Variants in CSTF3 observed in about 807,000 individuals in gnomAD.
The protein encoded by CSTF3 is cleavage stimulation factor subunit 3, also known as CF-1 77 kDa subunit.
Under a neutral mutation model 105.8 loss-of-function variants are expected in CSTF3, and 29 were observed. The ratio of observed to expected loss-of-function variants is 0.27; its 90% confidence interval spans 0.20 to 0.37. CSTF3 has a LOEUF of 0.37. Ranked by LOEUF, CSTF3 falls within the 10% of genes least tolerant of loss-of-function variation. The pLI, the probability that CSTF3 is intolerant of heterozygous loss-of-function variation, is 1.00. For missense variants in CSTF3, 357 were observed against 879.3 expected (o/e 0.41, Z 7.51); for synonymous variants, 252 against 281.9 (o/e 0.89, Z 1.06).
At chr11:33,146,038 A>G (rs1590285841) in intron 1 of CSTF3, among the ~76,000 whole-genome samples, 1 of 152,030 alleles carries the variant, frequency 6.6e-6, no homozygotes, top group Admixed American at 6.5e-5. Flanking sequence ...GGAGTTCGAG[A>G]CCAGCCCAAC....
intron 3 of CSTF3, among the ~76,000 whole-genome samples, chr11:33,130,564 T>G (rs925030638): frequency 4.6e-5 from 7 of 152,198 alleles, no homozygotes; most frequent in African/African-American, 1.4e-4. Context: ...TTGAAAAGTA[T>G]GAAAACAACT....
At chr11:33,140,834 CAGTT>C (rs376398547) in intron 3 of CSTF3, 13 of 151,914 alleles carry the variant, frequency 8.6e-5, no homozygotes, top group African/African-American at 2.9e-4. Context: ...ATGTGGATAT[CAGTT>C]ATTTACATCT....
chr11:33,154,020 C>T (rs1022056748), intron 1 of CSTF3, among the ~76,000 whole-genome samples: 9 of 152,236 alleles, frequency 5.9e-5, no homozygotes, highest in Admixed American at 4.6e-4. Flanking sequence ...CAGGAAAAAT[C>T]AGTAAAATAC....
chr11:33,161,386 A>G lies in CSTF3; in HGVS notation c.-61T>C. The G allele has an allele frequency of 1.9e-6, 3 of 1,589,438 alleles. No homozygotes were observed. The highest frequency in any genetic ancestry group is 2.2e-5 in the East Asian group (1 of 44,718). On this transcript the variant is annotated 5_prime_UTR_variant, in exon 1 of 21. Coordinates refer to ENST00000323959, the MANE Select transcript of CSTF3 (RefSeq NM_001326.3). ...GATGGGAAGCTAGAAAAGAAAAATT[A>G]AACTAAAAACCACCCCCAAATCAGT...
intron 1 of CSTF3, among the ~76,000 whole-genome samples, chr11:33,158,194 A>G (rs1214159535): frequency 6.6e-6 from 1 of 152,190 alleles, no homozygotes; most frequent in Admixed American, 6.5e-5. Context: ...GTATTATTAA[A>G]AAGTTAAAGA....
intron 1 of CSTF3, among the ~76,000 whole-genome samples, chr11:33,156,410 G>C (rs545977363): frequency 5.9e-5 from 9 of 152,160 alleles, no homozygotes; most frequent in African/African-American, 1.7e-4. Flanking sequence ...AAATAAACCA[G>C]GTTTCAGGTT....
chr11:33,109,251 C>T (rs570557206), intron 3 of CSTF3, among the ~76,000 whole-genome samples: 1 of 152,298 alleles, frequency 6.6e-6, no homozygotes, highest in East Asian at 1.9e-4. Context: ...CTGTGTTAAT[C>T]AGCAAATCTG....
At chr11:33,133,899 C>A (rs1031831596) in intron 3 of CSTF3, among the ~76,000 whole-genome samples, 1 of 152,110 alleles carries the variant, frequency 6.6e-6, no homozygotes, top group South Asian at 2.1e-4. Context: ...GATAATGAAT[C>A]CGAAGAAATT....
rs373047658 is a variant in CSTF3, at chr11:33,127,741, C to T, written c.225+13926G>A. The stretch of plus-strand genomic sequence containing the variant: ...TTGGAAACTACTGTTCTTGTGCTTT[C>T]GCTTTTCTCAATTTTAACCAGTCTT... On this transcript the variant is annotated intron_variant, in intron 3 of 20. Coordinates refer to ENST00000323959, the MANE Select transcript of CSTF3 (RefSeq NM_001326.3). Among the ~76,000 whole-genome samples, 11 of 152,290 alleles carry T rather than the reference C, an allele frequency of 7.2e-5. No individual in the cohort carries two copies. The South Asian group carries it at 8.3e-4, about 11-fold the overall frequency.
intron 3 of CSTF3, among the ~76,000 whole-genome samples, chr11:33,127,777 A>C (rs1298139029): frequency 6.6e-6 from 1 of 152,184 alleles, no homozygotes; most frequent in Non-Finnish European, 1.5e-5. Context: ...TGGGTATTCC[A>C]AAAGTATCCA....
At chr11:33,155,250 G>C (rs1057288832) in intron 1 of CSTF3, among the ~76,000 whole-genome samples, 1 of 151,932 alleles carries the variant, frequency 6.6e-6, no homozygotes, top group African/African-American at 2.4e-5. Flanking sequence ...TATAGTCCCC[G>C]CTACTAGGGA....
At chr11:33,106,145 C>T (rs969376969) in intron 5 of CSTF3, 81 bp from the exon 6 acceptor site, 13 of 1,069,512 alleles carry the variant, frequency 1.2e-5, no homozygotes, top group Admixed American at 5.6e-5. Context: ...CATGGTGGCT[C>T]ATGCCTGTAA....
intron 3 of CSTF3, among the ~76,000 whole-genome samples, chr11:33,122,275 A>G (rs1013768215): frequency 2.0e-5 from 3 of 152,196 alleles, no homozygotes; most frequent in Admixed American, 1.3e-4. Context: ...AACTCACTTC[A>G]AAAGGATCTG....
At chr11:33,114,512 C>CA (rs1263404877) in intron 3 of CSTF3, among the ~76,000 whole-genome samples, 3 of 152,032 alleles carry the variant, frequency 2.0e-5, no homozygotes, top group African/African-American at 7.2e-5. Flanking sequence ...TTTTTAAAAT[C>CA]ACCAGTTATA....
At chr11:33,124,724 A>G (rs952503166) in intron 3 of CSTF3, among the ~76,000 whole-genome samples, 2 of 152,182 alleles carry the variant, frequency 1.3e-5, no homozygotes, top group African/African-American at 4.8e-5. Context: ...AGTTATACCT[A>G]CAATTGGACA....
chr11:33,149,425 A>G (rs1351913763), intron 1 of CSTF3, among the ~76,000 whole-genome samples: 1 of 152,242 alleles, frequency 6.6e-6, no homozygotes, highest in Non-Finnish European at 1.5e-5. Context: ...CATAACAGCT[A>G]TGAACCACTT....
chr11:33,127,229 T>A lies in CSTF3; in HGVS notation c.225+14438A>T, dbSNP rs967056444. On this transcript the variant is annotated intron_variant, in intron 3 of 20. Coordinates refer to ENST00000323959, the MANE Select transcript of CSTF3 (RefSeq NM_001326.3). ...TTATACTTGTGGGTATCCTAGCATT[T>A]AATAATTTTCTACTAATTATTAAAT... Among the ~76,000 whole-genome samples, 4 of 152,318 alleles carry A rather than the reference T, an allele frequency of 2.6e-5. No homozygotes were observed. In the East Asian group the frequency reaches 7.7e-4, roughly 29 times the overall value.
chr11:33,088,897 C>T (rs1855136772), intron 17 of CSTF3, among the ~76,000 whole-genome samples: 1 of 152,154 alleles, frequency 6.6e-6, no homozygotes, highest in African/African-American at 2.4e-5. Context: ...GGATTATAGG[C>T]GTGAGCCACT....
At chr11:33,123,829 G>A (rs796359594) in intron 3 of CSTF3, among the ~76,000 whole-genome samples, 2 of 152,010 alleles carry the variant, frequency 1.3e-5, no homozygotes, top group African/African-American at 4.8e-5. Context: ...AACAGGGGTA[G>A]GTGACTTTTC....
Sources: gnomAD v4.1 joint callset for allele counts (sites outside exome capture counted in the v4.1 genomes callset) on GRCh38, gnomAD v4.1.1 for gene constraint, MANE v1.5 for transcripts, NCBI Gene and HGNC (gene_info 2026-07-23, HGNC 2026-07-21) for gene names.